Variants in ADARB2 observed in about 807,000 individuals in gnomAD.
ADARB2 encodes the protein inactive double-stranded RNA-specific editase B2.
A neutral mutation model predicts 62.2 loss-of-function variants in ADARB2; 25 were observed. The ratio of observed to expected loss-of-function variants is 0.40; its 90% CI spans 0.29 to 0.56. ADARB2 has a LOEUF of 0.56. ADARB2 is among the 20% of genes least tolerant of loss of function. ADARB2 has a pLI of 0.43. For synonymous variants in ADARB2, 572 were observed against 500.8 expected (o/e 1.14, Z -1.90); for missense variants, 1,071 against 1,077.4 (o/e 0.99, Z 0.08).
At chr10:1,725,456 C>T (rs1338377372) in intron 1 of ADARB2, among the ~76,000 whole-genome samples, 1 of 152,208 alleles carries the variant, frequency 6.6e-6, no homozygotes, top group African/African-American at 2.4e-5. Context: ...GAAAAACACT[C>T]GCAAGTGAGT....
chr10:1,637,095 C>T (rs969528908), intron 1 of ADARB2, among the ~76,000 whole-genome samples: 1 of 151,916 alleles, frequency 6.6e-6, no homozygotes, highest in African/African-American at 2.4e-5. Context: ...TAAAGGTGTC[C>T]GCAACACAAC....
rs534430925 is a variant in ADARB2, at chr10:1,346,108, G to A, written c.1077+16920C>T. On this transcript the variant is annotated intron_variant, in intron 3 of 9. Transcript: ENST00000381312. ...TTGTATAGTAACTGTTGTTCTGTTC[G>A]CCTTTAATTTTGAATACTTGAGTGA... Among the ~76,000 whole-genome samples, 4 of 152,216 alleles carry A rather than the reference G, an allele frequency of 2.6e-5. No individual in the cohort carries two copies. In the East Asian group the frequency reaches 5.8e-4, roughly 22 times the overall value.
intron 6 of ADARB2, among the ~76,000 whole-genome samples, chr10:1,227,223 C>T (rs950555465): frequency 2.0e-5 from 3 of 152,040 alleles, no homozygotes; most frequent in Admixed American, 6.5e-5. Context: ...GGAATATAAT[C>T]TCCTGGTATG....
intron 3 of ADARB2, among the ~76,000 whole-genome samples, chr10:1,286,313 C>T (rs1013095393): frequency 6.6e-6 from 1 of 152,166 alleles, no homozygotes; most frequent in Non-Finnish European, 1.5e-5. Flanking sequence ...AGATGATCTT[C>T]CCTGACTTCC....
intron 1 of ADARB2, among the ~76,000 whole-genome samples, chr10:1,638,130 A>T (rs1564354540): frequency 6.6e-6 from 1 of 152,156 alleles, no homozygotes; most frequent in African/African-American, 2.4e-5. Context: ...TTCCTGAATT[A>T]CCCTGTCACA....
chr10:1,607,518 G>C (rs904451181), intron 1 of ADARB2, among the ~76,000 whole-genome samples: 10 of 152,172 alleles, frequency 6.6e-5, no homozygotes, highest in African/African-American at 2.2e-4. Context: ...GAGAAATGAT[G>C]ATGACCACAT....
Position 1,704,262 on chromosome 10 carries a change from A to G in ADARB2, c.100+32789T>C, listed in dbSNP as rs955959318. ...TATTGTGCACTTTATTTCTATTAATATTACATTGTAATATATAATGAAATA... is the reference window on the plus strand; with the variant it reads ...TATTGTGCACTTTATTTCTATTAATGTTACATTGTAATATATAATGAAATA... On this transcript the variant is annotated intron_variant, in intron 1 of 9. Coordinates refer to ENST00000381312, the MANE Select transcript of ADARB2 (RefSeq NM_018702.4). The surrounding 1 kb of genome is among the most constrained non-coding windows in gnomAD (Gnocchi z 5.6). Among the ~76,000 whole-genome samples, 2 of 152,214 alleles carry G rather than the reference A, an allele frequency of 1.3e-5. No homozygotes were observed. Among genetic ancestry groups the G allele is most frequent in the Non-Finnish European group, 2.9e-5 (2 of 68,040 alleles).
intron 1 of ADARB2, among the ~76,000 whole-genome samples, chr10:1,407,611 C>A (rs1381365569): frequency 6.6e-6 from 1 of 152,178 alleles, no homozygotes; most frequent in Non-Finnish European, 1.5e-5. Context: ...GTCCCGGCTG[C>A]CCTTCCTCGG....
intron 1 of ADARB2, among the ~76,000 whole-genome samples, chr10:1,630,566 G>C (rs1833829827): frequency 6.6e-6 from 1 of 152,206 alleles, no homozygotes. Flanking sequence ...GCAGGGCAGA[G>C]GGGGTGTGTG....
At position 1,406,126 on chromosome 10, in the gene ADARB2, T is replaced by A. The variant is rs372216527; in HGVS notation, c.101-26966A>T. Among the ~76,000 whole-genome samples, 17 of 152,228 alleles carry A rather than the reference T, an allele frequency of 1.1e-4. No homozygotes were observed. The East Asian group carries it at 1.2e-3, about 10-fold the overall frequency. On this transcript the variant is annotated intron_variant, in intron 1 of 9. Coordinates refer to ENST00000381312, the MANE Select transcript of ADARB2 (RefSeq NM_018702.4). ...GGGCTATGTGTTATTCTTTTTAAAA[T>A]CTCCAGCCATGGTGGAGGTGTGGAT...
chr10:1,653,807 G>A (rs1834143683), intron 1 of ADARB2, among the ~76,000 whole-genome samples: 1 of 152,190 alleles, frequency 6.6e-6, no homozygotes, highest in South Asian at 2.1e-4. Context: ...TGATGGTGAA[G>A]AACTGATTTT....
chr10:1,265,757 G>T (rs377588344), intron 4 of ADARB2, among the ~76,000 whole-genome samples: 1 of 140,388 alleles, frequency 7.1e-6, no homozygotes, highest in Non-Finnish European at 1.6e-5. Flanking sequence ...GGGGGGCCCA[G>T]GCTCTCCCGG....
chr10:1,308,903 GT>G (rs1831657918), intron 3 of ADARB2, among the ~76,000 whole-genome samples: 1 of 152,142 alleles, frequency 6.6e-6, no homozygotes, highest in African/African-American at 2.4e-5. Context: ...TGGAGAAGTG[GT>G]TTTCTAGGAT....
intron 3 of ADARB2, among the ~76,000 whole-genome samples, chr10:1,293,227 G>GGGGGGAGAGGGACAGAGGGAGGGA (rs1831491125): frequency 9.4e-6 from 1 of 106,106 alleles, no homozygotes; most frequent in Non-Finnish European, 1.9e-5. Flanking sequence ...AGAGAGGGAC[G>GGGGGGAGAGGGACAGAGGGAGGGA]GGGAGGGAGA....
At chr10:1,207,519 G>T (rs149488449) in intron 7 of ADARB2, among the ~76,000 whole-genome samples, 276 of 152,286 alleles carry the variant, frequency 1.8e-3, no homozygotes, top group Non-Finnish European at 3.2e-3. Context: ...ATGGAGGAAG[G>T]CGTCAGAATT....
At chr10:1,682,146 T>C (rs140783366) in intron 1 of ADARB2, among the ~76,000 whole-genome samples, 1 of 152,116 alleles carries the variant, frequency 6.6e-6, no homozygotes, top group Admixed American at 6.5e-5. Context: ...AGAGTTGCAG[T>C]CAGTCAGGTG....
In ADARB2 at chr10:1,648,425, G is replaced by A. The variant is rs116629832; in HGVS notation, c.100+88626C>T. Among the ~76,000 whole-genome samples the A allele has an allele frequency of 1.4e-3, 208 of 152,248 alleles. 2 individuals carry two copies. Among genetic ancestry groups the A allele is most frequent in the African/African-American group, 4.8e-3 (198 of 41,538 alleles). On this transcript the variant is annotated intron_variant, in intron 1 of 9. Coordinates refer to ENST00000381312, the MANE Select transcript of ADARB2 (RefSeq NM_018702.4). Reference sequence around the variant, plus strand: ...CCCTTCATAAACGGAATGAACTCGAGCTGGCTCAACTGCTTGTTTTAAAAG... The same window carrying A: ...CCCTTCATAAACGGAATGAACTCGAACTGGCTCAACTGCTTGTTTTAAAAG...
At chr10:1,497,691 A>G (rs559272336) in intron 1 of ADARB2, among the ~76,000 whole-genome samples, 6 of 152,368 alleles carry the variant, frequency 3.9e-5, no homozygotes, top group Non-Finnish European at 7.3e-5. Context: ...TTCATAAAGA[A>G]CTTGTTCTGA....
chr10:1,650,468 T>G (rs10903534), intron 1 of ADARB2, among the ~76,000 whole-genome samples: 71,440 of 151,904 alleles, frequency 0.47, 17,008 homozygotes, highest in South Asian at 0.53. Context: ...AATAATGTGG[T>G]GCTGGTAGGC....
Sources: gnomAD v4.1 joint callset for allele counts (sites outside exome capture counted in the v4.1 genomes callset) on GRCh38, gnomAD v4.1.1 for gene constraint, Gnocchi (gnomAD v3.1) non-coding constraint, MANE v1.5 for transcripts, NCBI Gene and HGNC (gene_info 2026-07-23, HGNC 2026-07-21) for gene names.